The following MGAT4A variants were observed in gnomAD, a reference collection of about 807,000 sequenced individuals.
MGAT4A encodes the protein alpha-1,3-mannosyl-glycoprotein 4-beta-N-acetylglucosaminyltransferase A.
A neutral mutation model predicts 74.1 loss-of-function variants in MGAT4A; 33 were observed. The ratio of observed to expected loss-of-function variants is 0.45; its 90% CI spans 0.34 to 0.60. The LOEUF is 0.60. Ranked by LOEUF, MGAT4A falls within the 20% of genes least tolerant of loss-of-function variation. The pLI is 0.02. For missense variants in MGAT4A, 479 were observed against 628.3 expected (o/e 0.76, Z 2.54); for synonymous variants, 198 against 210.4 (o/e 0.94, Z 0.51).
intron 2 of MGAT4A, among the ~76,000 whole-genome samples, chr2:98,723,970 A>G (rs959734781): frequency 1.3e-5 from 2 of 152,224 alleles, no homozygotes; most frequent in South Asian, 4.1e-4. Flanking sequence ...AAAGGGGATA[A>G]TATCTCCAAT....
At chr2:98,684,185 C>T (rs754622165) in intron 2 of MGAT4A, among the ~76,000 whole-genome samples, 3 of 152,154 alleles carry the variant, frequency 2.0e-5, no homozygotes, top group Non-Finnish European at 4.4e-5. Flanking sequence ...TTCACTTTAA[C>T]ATAACAGATG....
intron 2 of MGAT4A, among the ~76,000 whole-genome samples, chr2:98,725,693 A>T (rs955175662): frequency 6.6e-6 from 1 of 152,262 alleles, no homozygotes; most frequent in African/African-American, 2.4e-5. Flanking sequence ...AACATAATTA[A>T]TTTTTAAAAA....
intron 13 of MGAT4A, 77 bp from the exon 14 acceptor site, chr2:98,635,365 G>T (rs1420504396): frequency 9.6e-7 from 1 of 1,043,078 alleles, no homozygotes; most frequent in East Asian, 2.7e-5. Context: ...TCTTAATATA[G>T]ATGAAGTGGC....
At chr2:98,641,396 C>A (rs929309894) in intron 10 of MGAT4A, among the ~76,000 whole-genome samples, 5 of 150,592 alleles carry the variant, frequency 3.3e-5, no homozygotes, top group Non-Finnish European at 7.4e-5. Flanking sequence ...TGGCTCACGC[C>A]TGTAATCCCA....
Position 98,624,963 on chromosome 2 carries a change from G to A in MGAT4A, c.*603C>T. 1.0e-6 allele frequency: 1 copy of A among 985,252 alleles called. No homozygotes were observed. The highest frequency in any genetic ancestry group is 1.2e-6 in the Non-Finnish European group (1 of 829,456). The allele number at this position is 985,252 out of a possible 1,614,324, so 61.0% of individuals were successfully genotyped here. On this transcript the variant is annotated 3_prime_UTR_variant, in exon 16 of 16. Transcript: ENST00000393487. ...CATCTATAATCAATCTTAAATGGCAGTGCATTTGAAAAATGGCATTGGTTT... is the reference window on the plus strand; with the variant it reads ...CATCTATAATCAATCTTAAATGGCAATGCATTTGAAAAATGGCATTGGTTT...
rs754811068 is a variant in MGAT4A, at chr2:98,658,273, G to GA, written c.538-10dup. On this transcript the variant is annotated splice_polypyrimidine_tract_variant and intron_variant, in intron 5 of 15. Coordinates refer to ENST00000393487, the MANE Select transcript of MGAT4A (RefSeq NM_012214.3). Reference sequence around the variant, plus strand: ...ACATAATCAATATCTGTCTGGGAAAGAAAAAAAATGTATCTATATTCAAGT... The same window carrying GA: ...ACATAATCAATATCTGTCTGGGAAAGAAAAAAAAATGTATCTATATTCAAGT... The GA allele has an allele frequency of 5.3e-5, 80 of 1,510,818 alleles. No homozygotes were observed. The highest frequency in any genetic ancestry group is 1.7e-4 in the Middle Eastern group (1 of 5,774). The allele number at this position is 1,510,818 out of a possible 1,614,324, so 93.6% of individuals were successfully genotyped here.
chr2:98,686,530 T>C (rs1002946743), intron 2 of MGAT4A, among the ~76,000 whole-genome samples: 2 of 149,906 alleles, frequency 1.3e-5, no homozygotes, highest in African/African-American at 4.9e-5. Context: ...ATAACACAGG[T>C]TTTTTTTTGG....
In MGAT4A at chr2:98,623,751, T is replaced by G. The variant is rs535762001; in HGVS notation, c.*1815A>C. The G allele has an allele frequency of 1.0e-6, 1 of 985,360 alleles. No individual in the cohort carries two copies. Among genetic ancestry groups the G allele is most frequent in the African/African-American group, 1.7e-5 (1 of 57,252 alleles). The allele number at this position is 985,360 out of a possible 1,614,324, so 61.0% of individuals were successfully genotyped here. A position where few individuals can be genotyped will look rare whatever the true frequency, so the allele number is the denominator to read the frequency against. ...GATGGAAATAATTGTACTGTATCAG[T>G]GTTTCCAAACGTTTGCACTTTGTAA... On this transcript the variant is annotated 3_prime_UTR_variant, in exon 16 of 16. Transcript: ENST00000393487.
At chr2:98,626,753 T>A (rs932244005) in intron 14 of MGAT4A, among the ~76,000 whole-genome samples, 1 of 152,204 alleles carries the variant, frequency 6.6e-6, no homozygotes, top group Non-Finnish European at 1.5e-5. Context: ...TTCGGGAGTA[T>A]AACATTTCAC....
chr2:98,715,979 T>C (rs1702586765), intron 2 of MGAT4A, among the ~76,000 whole-genome samples: 1 of 152,150 alleles, frequency 6.6e-6, no homozygotes, highest in African/African-American at 2.4e-5. Flanking sequence ...ACATCACCAG[T>C]AACAAGACAC....
chr2:98,720,320 C>T (rs934899066), intron 2 of MGAT4A, among the ~76,000 whole-genome samples: 29 of 152,298 alleles, frequency 1.9e-4, no homozygotes, highest in African/African-American at 5.5e-4. Flanking sequence ...GGGTGGGTAT[C>T]GTCCAATCTA....
At chr2:98,657,844 C>A (rs1433130689) in intron 6 of MGAT4A, among the ~76,000 whole-genome samples, 1 of 152,136 alleles carries the variant, frequency 6.6e-6, no homozygotes, top group Non-Finnish European at 1.5e-5. Context: ...AAATTGAGGT[C>A]TGAAATTACT....
chr2:98,675,062 C>T lies in MGAT4A; in HGVS notation c.376G>A (p.Val126Ile), dbSNP rs201036991. The change falls in exon 4 of 16, where the codon GTA becomes ATA. Residue 126 changes from valine to isoleucine, a missense_variant. This residue lies in a region of MGAT4A where 205 missense variants were observed against 232.7 expected (regional missense o/e 0.88). Transcript: ENST00000393487. ...LKNEGSLQPA[V>I]QIGNGRTGVS... is the part of the protein sequence containing the mutation. Reference sequence around the variant, plus strand: ...CCTGTTCTTCCGTTGCCAATCTGTACAGCAGGTTGAAGACTTCCTTCATTT... The same window carrying T: ...CCTGTTCTTCCGTTGCCAATCTGTATAGCAGGTTGAAGACTTCCTTCATTT... 5.0e-4 allele frequency: 807 copies of T among 1,611,750 alleles called. 1 individual carries two copies. The highest frequency in any genetic ancestry group is 1.3e-3 in the East Asian group (60 of 44,844).
rs369646273 is a variant in MGAT4A, at chr2:98,621,655, G to T, written c.*3911C>A. On this transcript the variant is annotated 3_prime_UTR_variant, in exon 16 of 16. Transcript: ENST00000393487. The stretch of plus-strand genomic sequence containing the variant: ...GGTCATTGGTGGGGGTGTCAGTAGG[G>T]GTCATTCTTAGAAATTTGCCTACCA... 2.1e-6 allele frequency: 3 copies of T among 1,433,780 alleles called. No homozygotes were observed. The highest frequency in any genetic ancestry group is 2.7e-6 in the Non-Finnish European group (3 of 1,092,932). 88.8% of individuals were successfully genotyped at this position (1,433,780 alleles called of 1,614,324 possible). A position where few individuals can be genotyped will look rare whatever the true frequency, so the allele number is the denominator to read the frequency against.
At chr2:98,714,148 C>T (rs1239403101) in intron 2 of MGAT4A, among the ~76,000 whole-genome samples, 4 of 152,074 alleles carry the variant, frequency 2.6e-5, no homozygotes, top group South Asian at 2.1e-4. Flanking sequence ...AGTGCAGTGG[C>T]GCGATCTCAC....
chr2:98,652,327 ATTTTTT>A (rs70940120), intron 8 of MGAT4A, among the ~76,000 whole-genome samples: 6 of 123,384 alleles, frequency 4.9e-5, no homozygotes, highest in Admixed American at 3.2e-4. Flanking sequence ...TATCTCAACA[ATTTTTT>A]TTTTTTTTTT....
At chr2:98,628,009 T>G (rs879874991) in intron 14 of MGAT4A, among the ~76,000 whole-genome samples, 3 of 152,242 alleles carry the variant, frequency 2.0e-5, no homozygotes, top group Non-Finnish European at 2.9e-5. Flanking sequence ...CCTTACATTT[T>G]TTTCAAGCTT....
intron 2 of MGAT4A, among the ~76,000 whole-genome samples, chr2:98,679,658 G>A (rs532966406): frequency 5.3e-5 from 8 of 152,218 alleles, no homozygotes; most frequent in African/African-American, 1.7e-4. Context: ...AAAATCCACT[G>A]AGCTAGATGT....
chr2:98,690,249 T>C (rs1188889489), intron 2 of MGAT4A, among the ~76,000 whole-genome samples: 1 of 152,172 alleles, frequency 6.6e-6, no homozygotes, highest in Non-Finnish European at 1.5e-5. Flanking sequence ...CAGGAAAGAC[T>C]GAGTGAGGGA....
Sources: gnomAD v4.1 joint callset for allele counts (sites outside exome capture counted in the v4.1 genomes callset) on GRCh38, gnomAD v4.1.1 for gene constraint, gnomAD v4.1.1 regional missense constraint, MANE v1.5 for transcripts, NCBI Gene and HGNC (gene_info 2026-07-23, HGNC 2026-07-21) for gene names.